The following CDH8 variants were observed in gnomAD, a reference collection of about 807,000 sequenced individuals.
The protein encoded by CDH8 is cadherin 8.
A neutral mutation model predicts 68.1 loss-of-function variants in CDH8; 17 were observed. The ratio of observed to expected loss-of-function variants is 0.25; its 90% confidence interval spans 0.17 to 0.37. The LOEUF is 0.37. CDH8 is among the 10% of genes least tolerant of loss of function. The pLI, the probability that CDH8 is intolerant of heterozygous loss-of-function variation, is 1.00. For synonymous variants in CDH8, 372 were observed against 365.1 expected, an observed-to-expected ratio of 1.02 and a Z score of -0.21; for missense variants, 763 against 999.3, an observed-to-expected ratio of 0.76 and a Z score of 3.19.
chr16:61,897,081 TATA>T (rs1360885749), intron 3 of CDH8, among the ~76,000 whole-genome samples: 2 of 148,354 alleles, frequency 1.3e-5, no homozygotes, highest in East Asian at 3.9e-4. Context: ...ATATATATAA[TATA>T]ATATATAAAT....
At chr16:61,738,810 C>A (rs764911712) in intron 8 of CDH8, among the ~76,000 whole-genome samples, 8 of 151,828 alleles carry the variant, frequency 5.3e-5, no homozygotes, top group African/African-American at 1.9e-4. Flanking sequence ...ACTTTTGATG[C>A]GTGTGTATGT....
At chr16:62,012,848 A>T (rs1901845875) in intron 2 of CDH8, among the ~76,000 whole-genome samples, 1 of 152,098 alleles carries the variant, frequency 6.6e-6, no homozygotes, top group Non-Finnish European at 1.5e-5. Flanking sequence ...TACTCATTAG[A>T]TATAATCATG....
At chr16:61,771,483 A>C (rs1396183093) in intron 8 of CDH8, among the ~76,000 whole-genome samples, 1 of 151,482 alleles carries the variant, frequency 6.6e-6, no homozygotes. Flanking sequence ...AAAAAAAAAA[A>C]AAAAAAAAAA....
intron 5 of CDH8, among the ~76,000 whole-genome samples, chr16:61,822,439 A>G (rs1962239497): frequency 1.3e-5 from 2 of 151,486 alleles, no homozygotes; most frequent in African/African-American, 4.8e-5. Context: ...CTAAAAACCC[A>G]AAAGGAAAAA....
intron 2 of CDH8, among the ~76,000 whole-genome samples, chr16:61,916,144 A>T (rs1964234955): frequency 6.6e-6 from 1 of 152,202 alleles, no homozygotes; most frequent in African/African-American, 2.4e-5. Context: ...TCCTCCAAGT[A>T]TTTCTATATA....
At chr16:61,744,554 G>C (rs895822673) in intron 8 of CDH8, among the ~76,000 whole-genome samples, 1 of 151,772 alleles carries the variant, frequency 6.6e-6, no homozygotes, top group African/African-American at 2.4e-5. Flanking sequence ...TAATATTAAA[G>C]TATGTAACTA....
chr16:62,034,081 C>T (rs1346246345), intron 1 of CDH8, among the ~76,000 whole-genome samples: 2 of 151,994 alleles, frequency 1.3e-5, no homozygotes, highest in African/African-American at 4.8e-5. Flanking sequence ...GGAGAACTCC[C>T]TTTAAGGGAA....
chr16:61,997,447 T>A (rs1965823523), intron 2 of CDH8, among the ~76,000 whole-genome samples: 1 of 152,170 alleles, frequency 6.6e-6, no homozygotes, highest in Non-Finnish European at 1.5e-5. Flanking sequence ...GAAAAACAAC[T>A]GTGAAATGAT....
At chr16:61,833,936 T>C (rs1357513814) in intron 4 of CDH8, among the ~76,000 whole-genome samples, 1 of 151,792 alleles carries the variant, frequency 6.6e-6, no homozygotes, top group Non-Finnish European at 1.5e-5. Flanking sequence ...TTTCACCACC[T>C]CCTCTATTTC....
At chr16:61,704,563 A>G (rs893272093) in intron 10 of CDH8, among the ~76,000 whole-genome samples, 2 of 152,222 alleles carry the variant, frequency 1.3e-5, no homozygotes, top group African/African-American at 4.8e-5. Context: ...GAAAGTACAT[A>G]AAGTACCACA....
intron 2 of CDH8, among the ~76,000 whole-genome samples, chr16:62,010,518 A>G (rs1029411848): frequency 6.6e-6 from 1 of 152,212 alleles, no homozygotes; most frequent in Non-Finnish European, 1.5e-5. Context: ...CGATCTGGTA[A>G]TGTGTATAAT....
Position 62,021,137 on chromosome 16 carries a change from A to G in CDH8, c.252+15T>C, listed in dbSNP as rs531053445. 1.7e-5 allele frequency: 28 copies of G among 1,612,022 alleles called. 1 individual carries two copies. The South Asian group carries it at 2.7e-4, about 16-fold the overall frequency. The stretch of plus-strand genomic sequence containing the variant: ...TAACAGACCCTGAAATTGAGATCTT[A>G]AAAACAAAGCTTACCCGGCCAACAA... On this transcript the variant is annotated intron_variant, in intron 2 of 11. Transcript: ENST00000577390.
intron 2 of CDH8, among the ~76,000 whole-genome samples, chr16:61,981,874 GAAC>G (rs1423640007): frequency 6.6e-6 from 1 of 152,162 alleles, no homozygotes; most frequent in African/African-American, 2.4e-5. Context: ...AAGGTAAAAA[GAAC>G]AACAAAATAC....
intron 9 of CDH8, 53 bp downstream of exon 9, chr16:61,727,041 A>G: frequency 6.3e-7 from 1 of 1,591,178 alleles, no homozygotes; most frequent in Non-Finnish European, 8.6e-7. Context: ...TTAGTCAAAT[A>G]TGAGACAGTT....
At position 62,020,498 on chromosome 16, in the gene CDH8, G is replaced by GCACA. The variant is rs3072068; in HGVS notation, c.252+650_252+653dup. Among the ~76,000 whole-genome samples, 184 of 149,764 alleles carry GCACA rather than the reference G, an allele frequency of 1.2e-3. 1 individual carries two copies. Among genetic ancestry groups the GCACA allele is most frequent in the Middle Eastern group, 3.5e-3 (1 of 286 alleles). On this transcript the variant is annotated intron_variant, in intron 2 of 11. Coordinates refer to ENST00000577390, the MANE Select transcript of CDH8 (RefSeq NM_001796.5). The stretch of plus-strand genomic sequence containing the variant: ...CAGTCTAACACACACACGCGCGCGC[G>GCACA]CACACACACACACACACACACACAC...
chr16:61,750,539 T>C (rs549760533), intron 8 of CDH8, among the ~76,000 whole-genome samples: 13 of 152,272 alleles, frequency 8.5e-5, no homozygotes, highest in Non-Finnish European at 1.6e-4. Context: ...GGTTCTTACA[T>C]TGAAATTACA....
intron 3 of CDH8, among the ~76,000 whole-genome samples, chr16:61,874,017 T>C (rs961288907): frequency 9.2e-5 from 14 of 151,876 alleles, no homozygotes; most frequent in Non-Finnish European, 2.1e-4. Flanking sequence ...GATCACACCA[T>C]TGCTCTCCAG....
chr16:61,822,507 G>C (rs771525051), intron 5 of CDH8, among the ~76,000 whole-genome samples: 29 of 151,572 alleles, frequency 1.9e-4, no homozygotes, highest in Admixed American at 7.9e-4. Context: ...TGAGTCCCTT[G>C]GATAAACTAA....
rs1171035093 is a variant in CDH8 at position 61,651,453 on chromosome 16, T to C, written c.*2155A>G. The stretch of plus-strand genomic sequence containing the variant: ...ATAGTTATAAATTGTTAGTATAGTA[T>C]TTAAACATGCAGTTTCTGTCACAGT... On this transcript the variant is annotated 3_prime_UTR_variant, in exon 12 of 12. Coordinates refer to ENST00000577390, the MANE Select transcript of CDH8 (RefSeq NM_001796.5). 1 of 152,196 alleles carries C rather than the reference T, an allele frequency of 6.6e-6. No individual in the cohort carries two copies. Among genetic ancestry groups the C allele is most frequent in the African/African-American group, 2.4e-5 (1 of 41,440 alleles). The allele number at this position is 152,196 out of a possible 1,614,324, so 9.4% of individuals were successfully genotyped here. A position where few individuals can be genotyped will look rare whatever the true frequency, so the allele number is the denominator to read the frequency against.
Sources: allele counts gnomAD v4.1 joint callset (sites outside exome capture counted in the v4.1 genomes callset), GRCh38; gene constraint gnomAD v4.1.1; transcripts MANE v1.5; gene names NCBI Gene and HGNC (gene_info 2026-07-23, HGNC 2026-07-21).